PITPNC1: variants seen among roughly 807,000 people sequenced by gnomAD.
PITPNC1 encodes phosphatidylinositol transfer protein cytoplasmic 1, also known as cytoplasmic phosphatidylinositol transfer protein 1.
PITPNC1 carries 18 observed loss-of-function variants against 44.7 expected under a neutral mutation model. The ratio of observed to expected loss-of-function variants is 0.40; its 90% CI spans 0.28 to 0.60. The LOEUF (loss-of-function observed/expected upper bound fraction) is 0.60. PITPNC1 is among the 20% of genes least tolerant of loss of function. The pLI, the probability that PITPNC1 is intolerant of heterozygous loss-of-function variation, is 0.39. For missense variants in PITPNC1, 290 were observed against 418.4 expected (o/e 0.69, Z 2.68); for synonymous variants, 141 against 149.6 (o/e 0.94, Z 0.42).
chr17:67,458,027 CAGGAGGT>C (rs2039280363), intron 1 of PITPNC1, among the ~76,000 whole-genome samples: 2 of 152,128 alleles, frequency 1.3e-5, no homozygotes, highest in Non-Finnish European at 1.5e-5. Context: ...CCCACTGCTG[CAGGAGGT>C]AGGATCCTTT....
intron 5 of PITPNC1, among the ~76,000 whole-genome samples, chr17:67,600,038 A>G (rs571466562): frequency 1.3e-5 from 2 of 152,282 alleles, no homozygotes; most frequent in South Asian, 2.1e-4. Flanking sequence ...AAAGTACTCA[A>G]TGCAAGCTGG....
chr17:67,632,100 A>G, intron 5 of PITPNC1, 43 bp from the exon 6 acceptor site: 7 of 1,248,052 alleles, frequency 5.6e-6, no homozygotes, highest in Non-Finnish European at 8.3e-6. Context: ...GGAGGGTAAC[A>G]CCTGCTATCA....
chr17:67,691,524 G>A (rs9896519), intron 8 of PITPNC1, among the ~76,000 whole-genome samples: 24,650 of 151,966 alleles, frequency 0.16, 2,167 homozygotes, highest in African/African-American at 0.18. Flanking sequence ...TCAAGAAATG[G>A]TTTTATTTTC....
At chr17:67,632,414 G>A (rs1359553895) in intron 6 of PITPNC1, 176 bp downstream of exon 6, 4 of 596,814 alleles carry the variant, frequency 6.7e-6, no homozygotes, top group Admixed American at 3.0e-5. Flanking sequence ...AACTCTTCAG[G>A]GACCATCATT....
chr17:67,508,962 G>C lies in PITPNC1; in HGVS notation c.49-23840G>C, dbSNP rs981969479. Among the ~76,000 whole-genome samples the C allele has an allele frequency of 6.6e-6, 1 of 152,184 alleles. No homozygotes were observed. The highest frequency in any genetic ancestry group is 1.5e-5 in the Non-Finnish European group (1 of 68,024). ...TTAAAAATAAAAACAGGCCGGGCTTGGTGGCTCACGTCTGTAATCCCAGCA... is the reference window on the plus strand; with the variant it reads ...TTAAAAATAAAAACAGGCCGGGCTTCGTGGCTCACGTCTGTAATCCCAGCA... On this transcript the variant is annotated intron_variant, in intron 1 of 8. Coordinates refer to ENST00000581322, the MANE Select transcript of PITPNC1 (RefSeq NM_012417.4). This position sits in a 1 kb window ranked among gnomAD's most constrained non-coding sequence, Gnocchi z 4.2.
chr17:67,618,365 A>G (rs112309293), intron 5 of PITPNC1, among the ~76,000 whole-genome samples: 170 of 5,718 alleles, frequency 0.03, 1 homozygote, highest in African/African-American at 0.072. Flanking sequence ...ACTCCGTCTC[A>G]AAAAAAAAAA....
intron 1 of PITPNC1, among the ~76,000 whole-genome samples, chr17:67,417,974 G>A (rs2038611992): frequency 6.6e-6 from 1 of 152,164 alleles, no homozygotes; most frequent in African/African-American, 2.4e-5. Context: ...AGCCCAGGAG[G>A]TCCAGGCTGC....
intron 8 of PITPNC1, chr17:67,686,930 C>G: frequency 3.2e-6 from 2 of 619,592 alleles, no homozygotes; most frequent in Non-Finnish European, 2.9e-6. Flanking sequence ...TTATGACTTA[C>G]TCATCATAAA....
At chr17:67,534,315 G>T (rs1003454304) in intron 2 of PITPNC1, among the ~76,000 whole-genome samples, 2 of 151,974 alleles carry the variant, frequency 1.3e-5, no homozygotes, top group Non-Finnish European at 2.9e-5. Flanking sequence ...TGAAACCTTC[G>T]GAATATTTGT....
chr17:67,427,097 C>G (rs185430458), intron 1 of PITPNC1, among the ~76,000 whole-genome samples: 1 of 152,190 alleles, frequency 6.6e-6, no homozygotes, highest in African/African-American at 2.4e-5. Flanking sequence ...ATGATTGGCC[C>G]TGGAGGAGTT....
At chr17:67,490,599 C>G (rs2039851782) in intron 1 of PITPNC1, among the ~76,000 whole-genome samples, 1 of 152,016 alleles carries the variant, frequency 6.6e-6, no homozygotes, top group Admixed American at 6.5e-5. Flanking sequence ...AGGCAGGGGA[C>G]TGCTGGGAGT....
At chr17:67,589,432 G>A (rs955621987) in intron 5 of PITPNC1, among the ~76,000 whole-genome samples, 3 of 152,292 alleles carry the variant, frequency 2.0e-5, no homozygotes, top group Admixed American at 6.5e-5. Context: ...TGCCTCCTCT[G>A]ATGTGCTAGT....
intron 5 of PITPNC1, among the ~76,000 whole-genome samples, chr17:67,596,768 G>C (rs1323245732): frequency 1.3e-5 from 2 of 152,136 alleles, no homozygotes; most frequent in Non-Finnish European, 2.9e-5. Flanking sequence ...TTTCAAGACT[G>C]ATTGTTCCCT....
At chr17:67,670,083 GA>G (rs2042487357) in intron 7 of PITPNC1, among the ~76,000 whole-genome samples, 1 of 151,512 alleles carries the variant, frequency 6.6e-6, no homozygotes, top group African/African-American at 2.4e-5. Flanking sequence ...CAAAAAATAA[GA>G]AATAAAAATA....
chr17:67,452,650 G>A (rs1055385336), intron 1 of PITPNC1, among the ~76,000 whole-genome samples: 1 of 151,478 alleles, frequency 6.6e-6, no homozygotes, highest in African/African-American at 2.4e-5. Context: ...GCGCCACCAC[G>A]CCCAGCTAAT....
intron 1 of PITPNC1, among the ~76,000 whole-genome samples, chr17:67,413,273 A>G (rs750053423): frequency 8.5e-5 from 13 of 152,210 alleles, no homozygotes; most frequent in Non-Finnish European, 1.9e-4. Flanking sequence ...ATAGTATTAT[A>G]TGGGAATTAA....
chr17:67,389,668 TTTGTTGTTGTTG>T (rs141781886), intron 1 of PITPNC1, among the ~76,000 whole-genome samples: 1 of 151,664 alleles, frequency 6.6e-6, no homozygotes, highest in Non-Finnish European at 1.5e-5. Flanking sequence ...TGTTTTTTGT[TTTGTTGTTGTTG>T]TTGTTGTTGT....
intron 8 of PITPNC1, 47 bp from the exon 9 acceptor site, chr17:67,692,525 C>G (rs774661232): frequency 1.4e-6 from 2 of 1,385,280 alleles, no homozygotes; most frequent in South Asian, 2.5e-5. Flanking sequence ...CTATTTGCCT[C>G]TCTTATAAAT....
At chr17:67,485,566 T>C (rs11658163) in intron 1 of PITPNC1, among the ~76,000 whole-genome samples, 5,854 of 151,942 alleles carry the variant, frequency 0.039, 171 homozygotes, top group Non-Finnish European at 0.062. Flanking sequence ...GGTCTCACCA[T>C]GTTGGCCAAG....
Sources: gnomAD v4.1 joint callset for allele counts (sites outside exome capture counted in the v4.1 genomes callset) on GRCh38, gnomAD v4.1.1 for gene constraint, Gnocchi (gnomAD v3.1) non-coding constraint, MANE v1.5 for transcripts, NCBI Gene and HGNC (gene_info 2026-07-23, HGNC 2026-07-21) for gene names.